The following MYRIP variants were observed in gnomAD, a reference collection of about 807,000 sequenced individuals.
The protein encoded by MYRIP is myosin VIIA and Rab interacting protein.
In MYRIP, 49 loss-of-function variants were observed where a neutral mutation model predicts 98.0. The ratio of observed to expected loss-of-function variants is 0.50; its 90% CI spans 0.40 to 0.63. MYRIP has a LOEUF of 0.63. Among genes scored for constraint, MYRIP ranks in the 30% least tolerant of loss-of-function variants. MYRIP has a pLI of 0.00. For missense variants in MYRIP, 1,004 were observed against 1,058.2 expected (o/e 0.95, Z 0.71); for synonymous variants, 404 against 409.5 (o/e 0.99, Z 0.16).
intron 2 of MYRIP, among the ~76,000 whole-genome samples, chr3:39,956,841 G>A (rs756409008): frequency 1.3e-5 from 2 of 151,786 alleles, no homozygotes; most frequent in South Asian, 2.1e-4. Flanking sequence ...AAATGATAAA[G>A]GGGATATCAC....
chr3:40,118,371 G>T (rs1949326071), intron 3 of MYRIP, among the ~76,000 whole-genome samples: 1 of 152,078 alleles, frequency 6.6e-6, no homozygotes, highest in Admixed American at 6.6e-5. Context: ...AGATATATTT[G>T]CCTGTATGCA....
intron 3 of MYRIP, among the ~76,000 whole-genome samples, chr3:40,150,370 C>T (rs1157027135): frequency 1.3e-5 from 2 of 152,224 alleles, no homozygotes; most frequent in Non-Finnish European, 2.9e-5. Flanking sequence ...GGATTACAGG[C>T]ATGAGCCACA....
intron 2 of MYRIP, among the ~76,000 whole-genome samples, chr3:39,975,068 T>C (rs1165779649): frequency 7.2e-5 from 11 of 152,078 alleles, no homozygotes; most frequent in Admixed American, 7.2e-4. Flanking sequence ...GAGAAGGAAA[T>C]AAAGGGTATT....
At position 40,251,972 on chromosome 3, in the gene MYRIP, A is replaced by T; in HGVS notation, c.2520A>T (p.Glu840Asp). The T allele has an allele frequency of 6.2e-7, 1 of 1,612,006 alleles. No individual in the cohort carries two copies. Among genetic ancestry groups the T allele is most frequent in the Non-Finnish European group, 8.5e-7 (1 of 1,178,130 alleles). ...GCTCCTCAACAAACAGGACTAAGGA[A>T]AGGAAAGGCACCACCAAGGATTTGA... ...LQGSSTNRTK[E>D]RKGTTKDLME... The change falls in exon 16 of 17, where the codon GAA (glutamate) becomes GAT (aspartate). Residue 840 changes from glutamate to aspartate, a missense_variant. By Grantham distance (45) the Glu-to-Asp change is conservative (BLOSUM62 2). Coordinates refer to ENST00000302541, the MANE Select transcript of MYRIP (RefSeq NM_015460.4).
intron 11 of MYRIP, 125 bp downstream of exon 11, chr3:40,210,218 G>C (rs938019444): frequency 7.1e-5 from 87 of 1,219,894 alleles, no homozygotes; most frequent in Non-Finnish European, 9.6e-5. Flanking sequence ...GCCCATCCCT[G>C]TGCATTTGGG....
intron 1 of MYRIP, among the ~76,000 whole-genome samples, chr3:39,857,408 A>G (rs985994462): frequency 1.3e-5 from 2 of 152,246 alleles, no homozygotes; most frequent in African/African-American, 4.8e-5. Flanking sequence ...AAGTTCAAAG[A>G]GAAATCATTT....
At chr3:40,185,998 C>T (rs1951026002) in intron 9 of MYRIP, among the ~76,000 whole-genome samples, 1 of 152,156 alleles carries the variant, frequency 6.6e-6, no homozygotes, top group Non-Finnish European at 1.5e-5. Flanking sequence ...TGGCTCTGCC[C>T]TCAAGGAGCC....
Position 40,006,168 on chromosome 3 carries a change from A to G in MYRIP, c.111-37882A>G, listed in dbSNP as rs557715934. Among the ~76,000 whole-genome samples the G allele has an allele frequency of 3.3e-5, 5 of 152,364 alleles. No individual in the cohort carries two copies. In the South Asian group the frequency reaches 1.0e-3, roughly 32 times the overall value. ...GGCCATGTGAGTTCCTATTACACCC[A>G]GAGAAAAACTAGGGTCTGTGAAAGC... On this transcript the variant is annotated intron_variant, in intron 2 of 16. Coordinates refer to ENST00000302541, the MANE Select transcript of MYRIP (RefSeq NM_015460.4).
intron 13 of MYRIP, among the ~76,000 whole-genome samples, chr3:40,249,901 C>A (rs1055017318): frequency 2.0e-5 from 3 of 152,140 alleles, no homozygotes; most frequent in Non-Finnish European, 4.4e-5. Flanking sequence ...CACTTCTCAC[C>A]CCCATGCTGA....
At chr3:39,978,513 G>T (rs1945808776) in intron 2 of MYRIP, among the ~76,000 whole-genome samples, 1 of 152,166 alleles carries the variant, frequency 6.6e-6, no homozygotes, top group African/African-American at 2.4e-5. Context: ...AATGCATCCT[G>T]TCTCTCTCAC....
chr3:40,202,724 G>T (rs1393390126), intron 10 of MYRIP, among the ~76,000 whole-genome samples: 1 of 151,924 alleles, frequency 6.6e-6, no homozygotes, highest in African/African-American at 2.4e-5. Context: ...TGTGACCTTG[G>T]GCAGTGCACT....
chr3:40,161,885 G>T (rs1714413), intron 4 of MYRIP, among the ~76,000 whole-genome samples: 53,779 of 152,016 alleles, frequency 0.35, 11,795 homozygotes, highest in Non-Finnish European at 0.49. Flanking sequence ...GGCTTCACAT[G>T]GCTGTTGGGA....
intron 16 of MYRIP, among the ~76,000 whole-genome samples, chr3:40,256,974 C>G (rs1262996030): frequency 3.3e-5 from 5 of 152,104 alleles, no homozygotes; most frequent in African/African-American, 4.8e-5. Flanking sequence ...TGTACTTCTT[C>G]AGAGATGAAG....
chr3:40,119,605 C>A (rs140332797), intron 3 of MYRIP, among the ~76,000 whole-genome samples: 1 of 152,088 alleles, frequency 6.6e-6, no homozygotes, highest in Non-Finnish European at 1.5e-5. Context: ...TTGATGAGTT[C>A]ATGTCCTTTG....
At chr3:39,871,019 C>T (rs775682144) in intron 1 of MYRIP, among the ~76,000 whole-genome samples, 6 of 152,144 alleles carry the variant, frequency 3.9e-5, no homozygotes, top group South Asian at 2.1e-4. Flanking sequence ...GTCCATTTTC[C>T]CATGTAGGTG....
In MYRIP at chr3:40,191,246, T is replaced by C. The variant is rs1276383740; in HGVS notation, c.1665+783T>C. On this transcript the variant is annotated intron_variant, in intron 10 of 16. Transcript: ENST00000302541. The stretch of plus-strand genomic sequence containing the variant: ...CACATGCACAAACATACTCACAATT[T>C]TGCTTTTGCTTACAATTTCAGATAA... Among the ~76,000 whole-genome samples the C allele has an allele frequency of 1.5e-4, 23 of 152,158 alleles. 1 individual carries two copies. The highest frequency in any genetic ancestry group is 3.4e-4 in the Non-Finnish European group (23 of 68,030).
intron 3 of MYRIP, among the ~76,000 whole-genome samples, chr3:40,141,076 T>C (rs939359932): frequency 6.6e-6 from 1 of 152,146 alleles, no homozygotes; most frequent in South Asian, 2.1e-4. Flanking sequence ...TCTTCCTTCC[T>C]AGCCTCTGGT....
intron 4 of MYRIP, among the ~76,000 whole-genome samples, chr3:40,153,038 G>A (rs995660922): frequency 6.6e-6 from 1 of 151,942 alleles, no homozygotes; most frequent in African/African-American, 2.4e-5. Context: ...AAGATCACTT[G>A]AGCCCAGGAG....
At chr3:40,024,496 C>T (rs747871656) in intron 2 of MYRIP, among the ~76,000 whole-genome samples, 3 of 151,486 alleles carry the variant, frequency 2.0e-5, no homozygotes, top group Admixed American at 1.3e-4. Flanking sequence ...ATCTACTTCA[C>T]GTGTTTCCAC....
Sources: gnomAD v4.1 joint callset for allele counts (sites outside exome capture counted in the v4.1 genomes callset) on GRCh38, gnomAD v4.1.1 for gene constraint, MANE v1.5 for transcripts, NCBI Gene and HGNC (gene_info 2026-07-23, HGNC 2026-07-21) for gene names.